Variants in ENTREP2 observed in about 807,000 individuals in gnomAD.
The protein encoded by ENTREP2 is protein ENTREP2.
At chr15:29,273,564 A>G in the ENTREP2 span, among the ~76,000 whole-genome samples, 1 of 152,130 alleles carries the variant, frequency 6.6e-6, no homozygotes, top group Non-Finnish European at 1.5e-5. Flanking sequence ...TGAAGGAAGC[A>G]AAGTATTGTT....
chr15:29,478,370 C>T, the ENTREP2 span, among the ~76,000 whole-genome samples: 1 of 152,074 alleles, frequency 6.6e-6, no homozygotes, highest in Non-Finnish European at 1.5e-5. Context: ...AAATATTATC[C>T]TTTCAATGTG....
the ENTREP2 span, among the ~76,000 whole-genome samples, chr15:29,140,261 C>T: frequency 1.3e-5 from 2 of 152,340 alleles, no homozygotes; most frequent in Admixed American, 1.3e-4. Context: ...CTGTACCCGT[C>T]TCACAATCGC....
At chr15:29,311,325 C>A in the ENTREP2 span, among the ~76,000 whole-genome samples, 1 of 152,086 alleles carries the variant, frequency 6.6e-6, no homozygotes, top group Non-Finnish European at 1.5e-5. Flanking sequence ...TAATTCATTG[C>A]CTTTGCTGTT....
At chr15:29,645,707 C>T in the ENTREP2 span, among the ~76,000 whole-genome samples, 6 of 152,046 alleles carry the variant, frequency 3.9e-5, no homozygotes, top group East Asian at 3.9e-4. Context: ...TACAGGTGCC[C>T]GCCACCATAC....
the ENTREP2 span, among the ~76,000 whole-genome samples, chr15:29,432,898 G>A: frequency 1.3e-5 from 2 of 152,158 alleles, no homozygotes; most frequent in African/African-American, 2.4e-5. Context: ...CCTCACTCCT[G>A]GGCATCTACC....
At chr15:29,338,016 C>G in the ENTREP2 span, among the ~76,000 whole-genome samples, 16 of 151,972 alleles carry the variant, frequency 1.1e-4, no homozygotes, top group Admixed American at 9.8e-4. Context: ...TGCAAAGATT[C>G]CTTTGCAAAA....
the ENTREP2 span, chr15:29,195,021 G>C: frequency 1.4e-6 from 1 of 702,984 alleles, no homozygotes; most frequent in Non-Finnish European, 1.7e-6. Flanking sequence ...GCTGTGAAAG[G>C]CCACAGCAGA....
chr15:29,405,927 A>C, the ENTREP2 span, among the ~76,000 whole-genome samples: 1 of 152,244 alleles, frequency 6.6e-6, no homozygotes, highest in Admixed American at 6.5e-5. Context: ...AAAACAATGC[A>C]AGTTCAATAT....
chr15:29,570,697 C>T, the ENTREP2 span: 5 of 1,145,144 alleles, frequency 4.4e-6, no homozygotes, highest in Non-Finnish European at 5.4e-6. Flanking sequence ...CGGGACGCGG[C>T]GCTCGGGGGC....
At chr15:29,461,539 T>G in the ENTREP2 span, among the ~76,000 whole-genome samples, 5 of 152,114 alleles carry the variant, frequency 3.3e-5, no homozygotes, top group African/African-American at 1.2e-4. Flanking sequence ...TAGAGAGCAG[T>G]GGTGCGATCT....
At chr15:29,413,843 G>A in the ENTREP2 span, among the ~76,000 whole-genome samples, 4 of 152,278 alleles carry the variant, frequency 2.6e-5, no homozygotes, top group African/African-American at 9.6e-5. Flanking sequence ...GGCAGGGGTT[G>A]CAATCCTGGT....
At chr15:29,317,214 T>C in the ENTREP2 span, among the ~76,000 whole-genome samples, 2 of 152,236 alleles carry the variant, frequency 1.3e-5, no homozygotes, top group Non-Finnish European at 2.9e-5. Flanking sequence ...GATGTTATTC[T>C]GAGTAACACC....
At chr15:29,383,130 C>T in the ENTREP2 span, among the ~76,000 whole-genome samples, 2 of 152,168 alleles carry the variant, frequency 1.3e-5, no homozygotes, top group African/African-American at 2.4e-5. Context: ...CCCCAGGGCT[C>T]TGTGGTGGCT....
chr15:29,485,175 T>G, the ENTREP2 span, among the ~76,000 whole-genome samples: 1 of 152,038 alleles, frequency 6.6e-6, no homozygotes, highest in Non-Finnish European at 1.5e-5. Flanking sequence ...ATGGAAACAG[T>G]AAATGGTTCG....
At chr15:29,630,065 G>T in the ENTREP2 span, among the ~76,000 whole-genome samples, 1 of 152,124 alleles carries the variant, frequency 6.6e-6, no homozygotes, top group Non-Finnish European at 1.5e-5. Flanking sequence ...GCAGTGAGCC[G>T]AGAGCATGCC....
the ENTREP2 span, among the ~76,000 whole-genome samples, chr15:29,605,426 C>T: frequency 0.21 from 31,444 of 152,076 alleles, 3,673 homozygotes; most frequent in African/African-American, 0.3. Flanking sequence ...CAGTGGCATG[C>T]TATTCACACT....
the ENTREP2 span, among the ~76,000 whole-genome samples, chr15:29,217,022 T>C: frequency 7.2e-5 from 11 of 152,182 alleles, no homozygotes; most frequent in African/African-American, 2.6e-4. Flanking sequence ...GGGGGTCTAG[T>C]TAAAACAATT....
the ENTREP2 span, among the ~76,000 whole-genome samples, chr15:29,244,721 G>A: frequency 6.6e-6 from 1 of 152,240 alleles, no homozygotes; most frequent in Non-Finnish European, 1.5e-5. Context: ...CACGCAGGCA[G>A]TGAACACCGC....
the ENTREP2 span, among the ~76,000 whole-genome samples, chr15:29,228,083 A>C: frequency 6.6e-6 from 1 of 152,106 alleles, no homozygotes; most frequent in East Asian, 1.9e-4. Context: ...TGTAATCCCA[A>C]CACTTTGGGA....
Sources: gnomAD v4.1 joint callset for allele counts (sites outside exome capture counted in the v4.1 genomes callset) on GRCh38, gnomAD v4.1.1 for gene constraint, MANE v1.5 for transcripts, NCBI Gene and HGNC (gene_info 2026-07-23, HGNC 2026-07-21) for gene names.